Variants in CEP78 observed in about 807,000 individuals in gnomAD.
CEP78 encodes the protein centrosomal protein of 78 kDa.
Under a neutral mutation model 81.2 loss-of-function variants are expected in CEP78, and 76 were observed. The ratio of observed to expected loss-of-function variants is 0.94; its 90% CI spans 0.78 to 1.13. The LOEUF (loss-of-function observed/expected upper bound fraction) is 1.13, where lower values mean the gene tolerates loss of function less well. Ranked by LOEUF, CEP78 falls within the 50% of genes most tolerant of loss-of-function variation. CEP78 has a pLI of 0.00. For missense variants in CEP78, 918 were observed against 846.8 expected (o/e 1.08, Z -1.04); for synonymous variants, 293 against 301.4 (o/e 0.97, Z 0.29).
Position 78,243,699 on chromosome 9 carries a change from T to C in CEP78, c.778+63T>C, listed in dbSNP as rs1475026284. 5.8e-6 allele frequency: 8 copies of C among 1,370,392 alleles called. No homozygotes were observed. In the South Asian group the frequency reaches 9.7e-5, roughly 17 times the overall value. The allele number at this position is 1,370,392 out of a possible 1,614,324, so 84.9% of individuals were successfully genotyped here. ...TTTTTTGATATTAAATATGCTTAAC[T>C]CTTGGCACAGTAATGTTGTCCGAAG... On this transcript the variant is annotated intron_variant, in intron 5 of 16. Coordinates refer to ENST00000643273, the MANE Select transcript of CEP78 (RefSeq NM_001330691.3).
rs778482718 is a variant in CEP78, at chr9:78,240,276, T to G, written c.427-16T>G. ...AAAACCTCAATAACATTTTTAACTT[T>G]TCCCCCTCATTAAAGGGATTGAATA... is the stretch of plus-strand genomic sequence containing the variant. On this transcript the variant is annotated splice_polypyrimidine_tract_variant and intron_variant, in intron 2 of 16. Coordinates refer to ENST00000643273, the MANE Select transcript of CEP78 (RefSeq NM_001330691.3). 1 of 1,607,202 alleles carries G rather than the reference T, an allele frequency of 6.2e-7. No homozygotes were observed. Among genetic ancestry groups the G allele is most frequent in the African/African-American group, 1.3e-5 (1 of 75,004 alleles).
intron 11 of CEP78, among the ~76,000 whole-genome samples, chr9:78,258,012 G>A (rs1046457304): frequency 1.3e-4 from 20 of 152,162 alleles, no homozygotes; most frequent in African/African-American, 3.9e-4. Context: ...TAATTTAATC[G>A]TAGTAATGGA....
At chr9:78,262,602 A>G (rs569988602) in intron 11 of CEP78, among the ~76,000 whole-genome samples, 1 of 152,256 alleles carries the variant, frequency 6.6e-6, no homozygotes, top group African/African-American at 2.4e-5. Flanking sequence ...ATAAGAATAG[A>G]ATTTCTTTTT....
intron 16 of CEP78, 100 bp from the exon 17 acceptor site, chr9:78,270,741 G>A (rs138854197): frequency 0.015 from 8,643 of 587,856 alleles, 90 homozygotes; most frequent in Middle Eastern, 0.034. Context: ...TCAGAGGATC[G>A]GCATGATAGG....
At chr9:78,241,087 T>A (rs1273140119) in intron 3 of CEP78, among the ~76,000 whole-genome samples, 2 of 152,170 alleles carry the variant, frequency 1.3e-5, no homozygotes, top group African/African-American at 4.8e-5. Flanking sequence ...TATAAAAGGC[T>A]GACAGACTTG....
At position 78,278,947 on chromosome 9, in the gene CEP78, G is replaced by A. The variant is rs908437681; in HGVS notation, c.*8096G>A. 1.3e-5 allele frequency: 2 copies of A among 152,014 alleles called. No individual in the cohort carries two copies. Among genetic ancestry groups the A allele is most frequent in the Non-Finnish European group, 2.9e-5 (2 of 68,026 alleles). 9.4% of individuals were successfully genotyped at this position (152,014 alleles called of 1,614,324 possible). A position where few individuals can be genotyped will look rare whatever the true frequency, so the allele number is the denominator to read the frequency against. ...GAAGACTTTGCCCTGTGACTGAGGTGCTCAGAAGGTATGGCTGGCTGCTCA... is the reference window on the plus strand; with the variant it reads ...GAAGACTTTGCCCTGTGACTGAGGTACTCAGAAGGTATGGCTGGCTGCTCA... On this transcript the variant is annotated 3_prime_UTR_variant, in exon 17 of 17. Coordinates refer to ENST00000643273, the MANE Select transcript of CEP78 (RefSeq NM_001330691.3).
In CEP78 at chr9:78,241,689, AT is replaced by A; in HGVS notation, c.500-3del. ...CTTATTGTATGTGGTTTTTTTTTCC[AT>A]TTTAGTTATTTGTCAAGGTATAAAG... is the stretch of plus-strand genomic sequence containing the variant. On this transcript the variant is annotated splice_region_variant and splice_polypyrimidine_tract_variant and intron_variant, in intron 3 of 16. Transcript: ENST00000643273. 1 of 1,442,900 alleles carries A rather than the reference AT, an allele frequency of 6.9e-7. No individual in the cohort carries two copies. The highest frequency in any genetic ancestry group is 9.6e-7 in the Non-Finnish European group (1 of 1,043,242). The allele number at this position is 1,442,900 out of a possible 1,614,324, so 89.4% of individuals were successfully genotyped here.
chr9:78,238,033 G>A (rs968534801), intron 1 of CEP78, among the ~76,000 whole-genome samples: 6 of 151,254 alleles, frequency 4.0e-5, no homozygotes, highest in Non-Finnish European at 8.8e-5. Context: ...GCTGAGGCAC[G>A]AGAGTTGCTT....
Position 78,236,315 on chromosome 9 carries a change from TC to T in CEP78, c.-34del. On this transcript the variant is annotated 5_prime_UTR_variant, in exon 1 of 17. Transcript: ENST00000643273. The stretch of plus-strand genomic sequence containing the variant: ...TTCTTGGGTGGGCGCGGGCGGCGTC[TC>T]CGCGGCGGGCATCCCCCGAGGCCGC... 6.5e-7 allele frequency: 1 copy of T among 1,533,632 alleles called. No homozygotes were observed. The highest frequency in any genetic ancestry group is 8.7e-7 in the Non-Finnish European group (1 of 1,144,598).
rs950681386 is a variant in CEP78 at position 78,271,519 on chromosome 9, A to G, written c.*668A>G. ...TGGAAATTAAAAATTTGATTATGAA[A>G]CTGAAACACTCAGAAGATGGACTAC... On this transcript the variant is annotated 3_prime_UTR_variant, in exon 17 of 17. Coordinates refer to ENST00000643273, the MANE Select transcript of CEP78 (RefSeq NM_001330691.3). 2 of 151,894 alleles carry G rather than the reference A, an allele frequency of 1.3e-5. No individual in the cohort carries two copies. Among genetic ancestry groups the G allele is most frequent in the African/African-American group, 4.9e-5 (2 of 41,134 alleles). 9.4% of individuals were successfully genotyped at this position (151,894 alleles called of 1,614,324 possible). A position where few individuals can be genotyped will look rare whatever the true frequency, so the allele number is the denominator to read the frequency against.
rs2118527339 is a variant in CEP78, at chr9:78,270,984, A to G, written c.*133A>G. On this transcript the variant is annotated 3_prime_UTR_variant, in exon 17 of 17. Coordinates refer to ENST00000643273, the MANE Select transcript of CEP78 (RefSeq NM_001330691.3). ...AATTAAAGGATGGAACAGCTAAGCC[A>G]TTCCACTCATCTTTGGAGCATCTGA... 1 of 532,318 alleles carries G rather than the reference A, an allele frequency of 1.9e-6. No homozygotes were observed. Among genetic ancestry groups the G allele is most frequent in the East Asian group, 3.3e-5 (1 of 30,400 alleles). 33.0% of individuals were successfully genotyped at this position (532,318 alleles called of 1,614,324 possible).
At chr9:78,239,489 A>G (rs1826115681) in intron 1 of CEP78, among the ~76,000 whole-genome samples, 1 of 152,026 alleles carries the variant, frequency 6.6e-6, no homozygotes, top group African/African-American at 2.4e-5. Context: ...CATTTCCTTT[A>G]TCTCTTTGAT....
intron 11 of CEP78, among the ~76,000 whole-genome samples, chr9:78,255,852 GT>G (rs1223701986): frequency 6.6e-6 from 1 of 152,096 alleles, no homozygotes; most frequent in Non-Finnish European, 1.5e-5. Context: ...GTTCATTATT[GT>G]TTTAAATGTG....
rs1248974755 is a variant in CEP78 at position 78,238,139 on chromosome 9, A to AT, written c.253+1536_253+1537insT. Reference sequence around the variant, plus strand: ...AAACTCTGTCTCAAAAAAAAAAAAAAAGAAGGGTAGGATTTCAGATATCTA... The same window carrying AT: ...AAACTCTGTCTCAAAAAAAAAAAAAATAGAAGGGTAGGATTTCAGATATCTA... On this transcript the variant is annotated intron_variant, in intron 1 of 16. Transcript: ENST00000643273. 2.0e-5 allele frequency among the ~76,000 whole-genome samples: 3 copies of AT among 151,790 alleles called. No individual in the cohort carries two copies. In the East Asian group the frequency reaches 5.8e-4, roughly 29 times the overall value.
Position 78,236,535 on chromosome 9 carries a change from T to C in CEP78, c.185T>C (p.Leu62Pro). The C allele has an allele frequency of 6.2e-7, 1 of 1,604,400 alleles. No homozygotes were observed. Reference protein sequence around the residue: ...GVDWAPLLSTLKINKDLPLVS... With the variant: ...GVDWAPLLSTPKINKDLPLVS... The stretch of plus-strand genomic sequence containing the variant: ...GACTGGGCGCCTCTGCTGAGCACCC[T>C]CAAGATCAATAAAGACCTGCCCTTG... The change falls in exon 1 of 17, where the codon CTC becomes CCC. Residue 62 changes from leucine to proline, a missense_variant. By Grantham distance (98) the Leu-to-Pro change is moderately conservative (BLOSUM62 -3). Coordinates refer to ENST00000643273, the MANE Select transcript of CEP78 (RefSeq NM_001330691.3).
rs561942882 is a variant in CEP78 at position 78,242,015 on chromosome 9, A to C, written c.603+216A>C. ...GAAATAGAAGACCTAAAATATAATA[A>C]TTAGATTTTTCTGTAAATACAGTTT... is the stretch of plus-strand genomic sequence containing the variant. On this transcript the variant is annotated intron_variant, in intron 4 of 16. Coordinates refer to ENST00000643273, the MANE Select transcript of CEP78 (RefSeq NM_001330691.3). Among the ~76,000 whole-genome samples the C allele has an allele frequency of 1.1e-4, 17 of 152,346 alleles. No homozygotes were observed. The East Asian group carries it at 2.9e-3, about 26-fold the overall frequency.
intron 1 of CEP78, among the ~76,000 whole-genome samples, chr9:78,237,418 T>C (rs1418503717): frequency 2.0e-5 from 3 of 152,228 alleles, no homozygotes; most frequent in Non-Finnish European, 4.4e-5. Context: ...AACTATGATA[T>C]ATGACAAAAT....
At chr9:78,265,302 G>A in intron 13 of CEP78, 70 bp from the exon 14 acceptor site, 2 of 1,232,298 alleles carry the variant, frequency 1.6e-6, no homozygotes, top group South Asian at 3.3e-5. Context: ...TGTAGGTTTG[G>A]GGAAATGTAA....
Position 78,243,449 on chromosome 9 carries a change from T to TA in CEP78, c.604-10dup, listed in dbSNP as rs1386530486. On this transcript the variant is annotated splice_polypyrimidine_tract_variant and intron_variant, in intron 4 of 16. Transcript: ENST00000643273. ...TCCAAGTGTATTAATTTCATCTTAT[T>TA]AAATCTTTGAAGTATCAGACCATGA... 1 of 1,607,392 alleles carries TA rather than the reference T, an allele frequency of 6.2e-7. No individual in the cohort carries two copies. The highest frequency in any genetic ancestry group is 1.7e-5 in the Admixed American group (1 of 58,956).
Sources: gnomAD v4.1 joint callset for allele counts (sites outside exome capture counted in the v4.1 genomes callset) on GRCh38, gnomAD v4.1.1 for gene constraint, MANE v1.5 for transcripts, NCBI Gene and HGNC (gene_info 2026-07-23, HGNC 2026-07-21) for gene names.